The following ARK2C variants were observed in gnomAD, a reference collection of about 807,000 sequenced individuals.
ARK2C encodes E3 ubiquitin-protein ligase ARK2C.
the ARK2C span, among the ~76,000 whole-genome samples, chr18:46,434,469 A>G: frequency 1.3e-5 from 2 of 152,230 alleles, no homozygotes; most frequent in Non-Finnish European, 2.9e-5. Context: ...GTGGCTTAAT[A>G]GAAGGCAGCT....
chr18:46,426,595 C>T, the ARK2C span, among the ~76,000 whole-genome samples: 3 of 152,184 alleles, frequency 2.0e-5, no homozygotes, highest in Non-Finnish European at 4.4e-5. Context: ...TATGGTACAG[C>T]TCCTGGCCAA....
the ARK2C span, among the ~76,000 whole-genome samples, chr18:46,363,121 G>C: frequency 6.6e-6 from 1 of 152,178 alleles, no homozygotes. Context: ...CATAATAAGT[G>C]CTCAATAAGT....
chr18:46,377,370 ATG>A, the ARK2C span, among the ~76,000 whole-genome samples: 1 of 152,172 alleles, frequency 6.6e-6, no homozygotes, highest in Non-Finnish European at 1.5e-5. Context: ...ACACACAATG[ATG>A]TGTGTCTTTC....
the ARK2C span, among the ~76,000 whole-genome samples, chr18:46,340,694 A>C: frequency 6.6e-6 from 1 of 152,264 alleles, no homozygotes; most frequent in Non-Finnish European, 1.5e-5. Flanking sequence ...CATCCTCTGA[A>C]CAATGACTGA....
At chr18:46,350,095 C>G in the ARK2C span, among the ~76,000 whole-genome samples, 23 of 152,336 alleles carry the variant, frequency 1.5e-4, no homozygotes, top group East Asian at 4.4e-3. Flanking sequence ...CCCCATGATA[C>G]ATACCCAGAG....
the ARK2C span, among the ~76,000 whole-genome samples, chr18:46,434,926 G>A: frequency 6.6e-6 from 1 of 152,290 alleles, no homozygotes; most frequent in East Asian, 1.9e-4. Context: ...CATAGAGCCT[G>A]TAGGAGGCGA....
At chr18:46,405,753 T>G in the ARK2C span, among the ~76,000 whole-genome samples, 287 of 152,170 alleles carry the variant, frequency 1.9e-3, 1 homozygote, top group Non-Finnish European at 1.3e-4. Flanking sequence ...GAATATGATG[T>G]CTATGTGAGC....
the ARK2C span, among the ~76,000 whole-genome samples, chr18:46,415,377 A>G: frequency 6.6e-6 from 1 of 151,934 alleles, no homozygotes; most frequent in Admixed American, 6.6e-5. Context: ...AAAATTTTTT[A>G]TATTTATAGG....
chr18:46,436,612 T>C, the ARK2C span, among the ~76,000 whole-genome samples: 2 of 152,204 alleles, frequency 1.3e-5, no homozygotes, highest in African/African-American at 4.8e-5. Context: ...TTCCAGAGAA[T>C]AGTTCCAGTC....
At chr18:46,425,531 A>T in the ARK2C span, among the ~76,000 whole-genome samples, 2 of 151,268 alleles carry the variant, frequency 1.3e-5, no homozygotes, top group Non-Finnish European at 2.9e-5. Context: ...TGAGGATGAA[A>T]CTCCACTTTC....
chr18:46,430,157 T>A, the ARK2C span, among the ~76,000 whole-genome samples: 1 of 152,170 alleles, frequency 6.6e-6, no homozygotes, highest in Non-Finnish European at 1.5e-5. Flanking sequence ...GAAGGTTAAT[T>A]TTTTTTGAGC....
the ARK2C span, among the ~76,000 whole-genome samples, chr18:46,361,693 AC>A: frequency 1.3e-5 from 2 of 152,086 alleles, no homozygotes; most frequent in Non-Finnish European, 2.9e-5. Flanking sequence ...AGCCTACCCT[AC>A]TCAAGGTGCA....
chr18:46,366,444 G>A, the ARK2C span, among the ~76,000 whole-genome samples: 1 of 152,108 alleles, frequency 6.6e-6, no homozygotes, highest in Non-Finnish European at 1.5e-5. Flanking sequence ...CCCTGCAGAG[G>A]ACTTCTCATT....
chr18:46,370,746 A>G, the ARK2C span, among the ~76,000 whole-genome samples: 1,446 of 152,270 alleles, frequency 9.5e-3, 20 homozygotes, highest in African/African-American at 0.033. Context: ...GCAAGACCCA[A>G]TGGACAGTTG....
the ARK2C span, among the ~76,000 whole-genome samples, chr18:46,362,947 G>T: frequency 6.6e-6 from 1 of 152,160 alleles, no homozygotes; most frequent in African/African-American, 2.4e-5. Flanking sequence ...GACAGACCCC[G>T]GGGCTCTTGT....
the ARK2C span, among the ~76,000 whole-genome samples, chr18:46,381,489 C>T: frequency 1.1e-4 from 16 of 152,188 alleles, no homozygotes; most frequent in African/African-American, 2.9e-4. Flanking sequence ...GTCCTTCTCA[C>T]GGTCCTTCTA....
At chr18:46,337,742 AC>A in the ARK2C span, 1 of 234,386 alleles carries the variant, frequency 4.3e-6, no homozygotes, top group Non-Finnish European at 5.9e-6. Context: ...CCCCACCCTC[AC>A]CCACCCACCA....
At chr18:46,430,597 A>G in the ARK2C span, among the ~76,000 whole-genome samples, 1 of 151,934 alleles carries the variant, frequency 6.6e-6, no homozygotes, top group Non-Finnish European at 1.5e-5. Flanking sequence ...GAAATGTGCA[A>G]TTTCTGACGG....
chr18:46,384,468 G>A, the ARK2C span, among the ~76,000 whole-genome samples: 1,613 of 152,294 alleles, frequency 0.011, 17 homozygotes, highest in Non-Finnish European at 0.015. Flanking sequence ...ATCTGGTGGC[G>A]ACTTTCTTTC....
Sources: gnomAD v4.1 joint callset for allele counts (sites outside exome capture counted in the v4.1 genomes callset) on GRCh38, gnomAD v4.1.1 for gene constraint, MANE v1.5 for transcripts, NCBI Gene and HGNC (gene_info 2026-07-23, HGNC 2026-07-21) for gene names.